Variants in NCOA3 observed in about 807,000 individuals in gnomAD.
NCOA3 encodes nuclear receptor coactivator 3, also known as CBP-interacting protein.
A neutral mutation model predicts 158.8 loss-of-function variants in NCOA3; 51 were observed. That is an observed-to-expected ratio of 0.32 (90% CI 0.26 to 0.41). The LOEUF (loss-of-function observed/expected upper bound fraction) is 0.41, where lower values mean the gene tolerates loss of function less well. Ranked by LOEUF, NCOA3 falls within the 10% of genes least tolerant of loss-of-function variation. The pLI, the probability that NCOA3 is intolerant of heterozygous loss-of-function variation, is 1.00. For missense variants in NCOA3, 1,510 were observed against 1,746.6 expected (o/e 0.86, Z 2.41); for synonymous variants, 537 against 592.4 (o/e 0.91, Z 1.36).
chr20:47,559,920 A>G (rs1253372349), intron 1 of NCOA3, among the ~76,000 whole-genome samples: 1 of 150,172 alleles, frequency 6.7e-6, no homozygotes, highest in Non-Finnish European at 1.5e-5. Flanking sequence ...CCAAAGTGCT[A>G]GGATTACAGG....
intron 2 of NCOA3, among the ~76,000 whole-genome samples, chr20:47,621,497 C>T (rs1009659106): frequency 7.2e-5 from 11 of 152,016 alleles, no homozygotes; most frequent in East Asian, 1.9e-4. Flanking sequence ...CAACAGTGAT[C>T]GTCTTGTTTT....
chr20:47,607,087 A>G (rs964269897), intron 2 of NCOA3, among the ~76,000 whole-genome samples: 3 of 152,208 alleles, frequency 2.0e-5, no homozygotes, highest in African/African-American at 7.2e-5. Context: ...GCATGGGTTA[A>G]AGATCTGTTC....
chr20:47,616,200 G>GC (rs2086133125), intron 2 of NCOA3, among the ~76,000 whole-genome samples: 1 of 128,012 alleles, frequency 7.8e-6, no homozygotes. Flanking sequence ...TTAAATGCAG[G>GC]TTTTTTTTTT....
chr20:47,620,939 A>G (rs1441870138), intron 2 of NCOA3, among the ~76,000 whole-genome samples: 3 of 152,196 alleles, frequency 2.0e-5, no homozygotes, highest in East Asian at 3.8e-4. Flanking sequence ...CTTTTGTGAC[A>G]TTGACACGTT....
chr20:47,523,222 C>T (rs1052919225), intron 1 of NCOA3, among the ~76,000 whole-genome samples: 2 of 152,156 alleles, frequency 1.3e-5, no homozygotes, highest in Admixed American at 1.3e-4. Flanking sequence ...TTCCCAAGGA[C>T]CCCTTTTCCT....
At chr20:47,646,712 G>C (rs920291193) in intron 17 of NCOA3, among the ~76,000 whole-genome samples, 1 of 152,108 alleles carries the variant, frequency 6.6e-6, no homozygotes, top group East Asian at 1.9e-4. Flanking sequence ...GAAGTGTTGC[G>C]AAGTACAGTG....
chr20:47,619,708 C>T (rs1241273570), intron 2 of NCOA3, among the ~76,000 whole-genome samples: 1 of 148,192 alleles, frequency 6.7e-6, no homozygotes, highest in African/African-American at 2.4e-5. Flanking sequence ...TTAAAAATCA[C>T]CTTTGAATGA....
intron 2 of NCOA3, among the ~76,000 whole-genome samples, chr20:47,621,828 T>C (rs920963355): frequency 6.6e-6 from 1 of 151,882 alleles, no homozygotes; most frequent in Non-Finnish European, 1.5e-5. Context: ...TAATTTTTTA[T>C]TTTTAGTAGA....
At chr20:47,608,342 CA>C (rs1402366049) in intron 2 of NCOA3, among the ~76,000 whole-genome samples, 1 of 150,502 alleles carries the variant, frequency 6.6e-6, no homozygotes, top group Non-Finnish European at 1.5e-5. Context: ...ACAAATAAAC[CA>C]AAAAAGTGAA....
intron 1 of NCOA3, among the ~76,000 whole-genome samples, chr20:47,520,287 CTCTG>C (rs1484414237): frequency 1.3e-5 from 2 of 150,848 alleles, no homozygotes; most frequent in Non-Finnish European, 3.0e-5. Context: ...CTCTCTCTGA[CTCTG>C]TCTCTCTCTT....
rs775253372 is a variant in NCOA3, at chr20:47,634,211, T to G, written c.1112+16T>G. On this transcript the variant is annotated intron_variant, in intron 10 of 22. Transcript: ENST00000371998. ...TCCTTCAGAGGTAATGATAGATTAC[T>G]GTGTATTCTAATACAAAATGCAGCA... 1 of 1,600,608 alleles carries G rather than the reference T, an allele frequency of 6.2e-7. No homozygotes were observed. Among genetic ancestry groups the G allele is most frequent in the Non-Finnish European group, 8.6e-7 (1 of 1,169,420 alleles).
At position 47,635,448 on chromosome 20, in the gene NCOA3, C is replaced by G. The variant is rs1421929952; in HGVS notation, c.1239C>G (p.Ser413Arg). The change falls in exon 11 of 23, where the codon AGC becomes AGG. Residue 413 changes from serine to arginine, a missense_variant. Coordinates refer to ENST00000371998, the MANE Select transcript of NCOA3 (RefSeq NM_181659.3). Reference protein sequence around the residue: ...MSPNQGLQMPSSRAYGLADPS... With the variant: ...MSPNQGLQMPRSRAYGLADPS... ...CAAACCAAGGCTTACAGATGCCGAG[C>G]AGCAGGGCCTATGGCTTGGCAGACC... The G allele has an allele frequency of 6.2e-7, 1 of 1,614,172 alleles. No individual in the cohort carries two copies. Among genetic ancestry groups the G allele is most frequent in the East Asian group, 2.2e-5 (1 of 44,874 alleles).
chr20:47,638,453 T>C (rs2086551847), intron 13 of NCOA3, among the ~76,000 whole-genome samples: 1 of 152,172 alleles, frequency 6.6e-6, no homozygotes. Flanking sequence ...GTGTGTCAAT[T>C]GAAAAGGCAG....
intron 1 of NCOA3, among the ~76,000 whole-genome samples, chr20:47,504,129 T>C (rs1421398165): frequency 2.6e-5 from 4 of 152,174 alleles, no homozygotes; most frequent in Non-Finnish European, 5.9e-5. Flanking sequence ...TTTAGAATGG[T>C]TGTTTTAACA....
chr20:47,653,551 T>A lies in NCOA3; in HGVS notation c.*134T>A. ...GCTTTGAGCTCCATCAAGGGTATTT[T>A]AAGTGATGTCATTTGAGCAGGACTG... On this transcript the variant is annotated 3_prime_UTR_variant, in exon 23 of 23. Transcript: ENST00000371998. 1 of 1,062,284 alleles carries A rather than the reference T, an allele frequency of 9.4e-7. No homozygotes were observed. The highest frequency in any genetic ancestry group is 1.4e-6 in the Non-Finnish European group (1 of 709,776). The allele number at this position is 1,062,284 out of a possible 1,614,324, so 65.8% of individuals were successfully genotyped here. A position where few individuals can be genotyped will look rare whatever the true frequency, so the allele number is the denominator to read the frequency against.
rs1163299914 is a variant in NCOA3, at chr20:47,626,915, C to T, written c.358-87C>T. ...GGTCTTGTTTCCAAATACAGTTACACTGATGGTTAGAGTTTCAATTTAAGA... is the reference window on the plus strand; with the variant it reads ...GGTCTTGTTTCCAAATACAGTTACATTGATGGTTAGAGTTTCAATTTAAGA... On this transcript the variant is annotated intron_variant, in intron 5 of 22. Transcript: ENST00000371998. 3.3e-6 allele frequency: 4 copies of T among 1,211,958 alleles called. No individual in the cohort carries two copies. In the East Asian group the frequency reaches 9.5e-5, roughly 29 times the overall value. 75.1% of individuals were successfully genotyped at this position (1,211,958 alleles called of 1,614,324 possible). A position where few individuals can be genotyped will look rare whatever the true frequency, so the allele number is the denominator to read the frequency against.
intron 2 of NCOA3, among the ~76,000 whole-genome samples, chr20:47,620,250 T>A (rs1208913044): frequency 6.6e-6 from 1 of 152,168 alleles, no homozygotes; most frequent in Non-Finnish European, 1.5e-5. Flanking sequence ...GTTAATGCTA[T>A]AGGTGTGCAC....
chr20:47,640,024 A>G lies in NCOA3; in HGVS notation c.3053A>G (p.Glu1018Gly). 1 of 1,614,240 alleles carries G rather than the reference A, an allele frequency of 6.2e-7. No individual in the cohort carries two copies. Among genetic ancestry groups the G allele is most frequent in the Non-Finnish European group, 8.5e-7 (1 of 1,180,040 alleles). ...TGGCCCGATGGCATGTTGTCCATGG[A>G]ACAAGTTTCTCATGGCACTCAAAAT... ...GSWPDGMLSM[E>G]QVSHGTQNRP... Residue 1018 changes from glutamate (E) to glycine (G), a missense_variant, in exon 16 of 23, where the codon GAA (glutamate) becomes GGA (glycine). Coordinates refer to ENST00000371998, the MANE Select transcript of NCOA3 (RefSeq NM_181659.3).
intron 5 of NCOA3, 111 bp downstream of exon 5, chr20:47,625,592 A>C (rs2086309031): frequency 1.3e-6 from 1 of 751,460 alleles, no homozygotes; most frequent in Non-Finnish European, 2.2e-6. Flanking sequence ...AAAAGAAAAC[A>C]TTTTTTTCTT....
Sources: gnomAD v4.1 joint callset for allele counts (sites outside exome capture counted in the v4.1 genomes callset) on GRCh38, gnomAD v4.1.1 for gene constraint, MANE v1.5 for transcripts, NCBI Gene and HGNC (gene_info 2026-07-23, HGNC 2026-07-21) for gene names.